Variants in RUFY3 observed in about 807,000 individuals in gnomAD.
The protein encoded by RUFY3 is RUN and FYVE domain containing 3.
RUFY3 carries 34 observed loss-of-function variants against 84.0 expected under a neutral mutation model. That is an observed-to-expected ratio of 0.40 (90% confidence interval 0.31 to 0.54). The LOEUF is 0.54. Among genes scored for constraint, RUFY3 ranks in the 20% least tolerant of loss-of-function variants. RUFY3 has a pLI of 0.39. For synonymous variants in RUFY3, 242 were observed against 252.9 expected (o/e 0.96, Z 0.41); for missense variants, 507 against 736.8 (o/e 0.69, Z 3.61).
intron 1 of RUFY3, among the ~76,000 whole-genome samples, chr4:70,751,840 A>G (rs1236789484): frequency 6.6e-6 from 1 of 152,164 alleles, no homozygotes; most frequent in Non-Finnish European, 1.5e-5. Flanking sequence ...TAAGAGTTTT[A>G]TAGTTTTAGC....
intron 4 of RUFY3, among the ~76,000 whole-genome samples, chr4:70,766,435 G>T (rs545966504): frequency 6.6e-6 from 1 of 151,980 alleles, no homozygotes; most frequent in South Asian, 2.1e-4. Flanking sequence ...AGTACAGACA[G>T]GGTTTCACCA....
chr4:70,756,349 A>G (rs1724020678), intron 1 of RUFY3, among the ~76,000 whole-genome samples: 1 of 152,206 alleles, frequency 6.6e-6, no homozygotes, highest in Admixed American at 6.5e-5. Context: ...GGATGCAAGA[A>G]TGGCTTCTCT....
intron 1 of RUFY3, among the ~76,000 whole-genome samples, chr4:70,709,401 CTT>C (rs1223864292): frequency 2.0e-5 from 3 of 152,190 alleles, no homozygotes; most frequent in African/African-American, 7.2e-5. Flanking sequence ...GAACTTTCCT[CTT>C]TGTGGACCTC....
intron 15 of RUFY3, among the ~76,000 whole-genome samples, chr4:70,801,470 T>C (rs1732226618): frequency 1.3e-5 from 2 of 152,212 alleles, no homozygotes. Context: ...GGGAAGTCTC[T>C]GTACTTTCTA....
At chr4:70,763,763 T>A (rs1725404224) in intron 3 of RUFY3, 94 bp downstream of exon 3, 28 of 1,451,230 alleles carry the variant, frequency 1.9e-5, no homozygotes, top group Non-Finnish European at 2.4e-5. Context: ...TACGAATAAT[T>A]TATTTTATAA....
At chr4:70,732,254 A>G (rs1719391889) in intron 1 of RUFY3, among the ~76,000 whole-genome samples, 2 of 152,186 alleles carry the variant, frequency 1.3e-5, no homozygotes, top group Admixed American at 6.5e-5. Context: ...TATTTAATTC[A>G]TGGGATTCCT....
In RUFY3 at chr4:70,788,942, C is replaced by T. The variant is rs755345599; in HGVS notation, c.1208C>T (p.Ala403Val). The change falls in exon 11 of 18, where the codon GCT becomes GTT. Residue 403 changes from alanine to valine, a missense_variant. Transcript: ENST00000381006. ...SLRQQLDDLR[A>V]LKHELAFKLQ... ...CGGCAGCAGCTGGATGACCTCAGAG[C>T]TCTCAAGCATGAACTTGCCTTTAAG... 1.9e-6 allele frequency: 3 copies of T among 1,614,134 alleles called. No individual in the cohort carries two copies. Among genetic ancestry groups the T allele is most frequent in the Non-Finnish European group, 2.5e-6 (3 of 1,180,010 alleles).
At chr4:70,771,793 G>A (rs1271037179) in intron 5 of RUFY3, among the ~76,000 whole-genome samples, 1 of 152,116 alleles carries the variant, frequency 6.6e-6, no homozygotes, top group Non-Finnish European at 1.5e-5. Context: ...GCCTCCCAAA[G>A]TGCTGGGATT....
Position 70,763,630 on chromosome 4 carries a change from C to T in RUFY3, c.431C>T (p.Ala144Val). Residue 144 changes from alanine (A) to valine (V), a missense_variant, in exon 3 of 18, where the codon GCA (alanine) becomes GTA (valine). By Grantham distance (64) the Ala-to-Val change is moderately conservative. Coordinates refer to ENST00000381006, the MANE Select transcript of RUFY3 (RefSeq NM_001037442.4). The part of the protein sequence containing the change: ...ELVEKLVPEA[A>V]EITASVKDLP... The stretch of plus-strand genomic sequence containing the variant: ...GTAGAAAAGCTTGTTCCAGAAGCCG[C>T]AGAGATAACAGCAAGTGTTAAAGAT... 4.3e-6 allele frequency: 7 copies of T among 1,611,810 alleles called. No individual in the cohort carries two copies. Among genetic ancestry groups the T allele is most frequent in the Non-Finnish European group, 5.9e-6 (7 of 1,178,378 alleles).
At chr4:70,707,418 G>T (rs987630958) in intron 1 of RUFY3, among the ~76,000 whole-genome samples, 1 of 152,046 alleles carries the variant, frequency 6.6e-6, no homozygotes, top group Non-Finnish European at 1.5e-5. Flanking sequence ...ACCATTTTTA[G>T]TATTTTTAGT....
intron 4 of RUFY3, among the ~76,000 whole-genome samples, chr4:70,766,124 C>T (rs1450716066): frequency 2.0e-5 from 3 of 152,084 alleles, no homozygotes; most frequent in East Asian, 1.9e-4. Context: ...TGATTGTTAA[C>T]AGTGATTGAG....
intron 1 of RUFY3, among the ~76,000 whole-genome samples, chr4:70,747,741 T>A (rs1176628704): frequency 6.6e-6 from 1 of 152,168 alleles, no homozygotes; most frequent in Non-Finnish European, 1.5e-5. Context: ...AAGCTGGGCA[T>A]GGTGGTTGCA....
At chr4:70,720,261 C>T (rs754686442), upstream of RUFY3, among the ~76,000 whole-genome samples, 2 of 152,144 alleles carry the variant, frequency 1.3e-5, no homozygotes, top group Non-Finnish European at 2.9e-5. Flanking sequence ...GTTGCCCAGG[C>T]TGGTTTCAAA....
rs1732050525 is a variant in RUFY3, at chr4:70,800,220, A to G, written c.1622+15A>G. ...GAAAGCCACAGGTGTTTGTTAATCA[A>G]GTATTAACTAAGATGTAAAGTTATT... is the stretch of plus-strand genomic sequence containing the variant. On this transcript the variant is annotated intron_variant, in intron 15 of 17. Transcript: ENST00000381006. 1 of 1,586,590 alleles carries G rather than the reference A, an allele frequency of 6.3e-7. No individual in the cohort carries two copies. Among genetic ancestry groups the G allele is most frequent in the African/African-American group, 1.4e-5 (1 of 73,538 alleles).
At chr4:70,707,705 A>T (rs1233170422) in intron 1 of RUFY3, among the ~76,000 whole-genome samples, 1 of 143,442 alleles carries the variant, frequency 7.0e-6, no homozygotes, top group Admixed American at 6.7e-5. Flanking sequence ...AACATTTCAT[A>T]TTAGCAAAAA....
chr4:70,795,819 T>C (rs1268605730), intron 14 of RUFY3, among the ~76,000 whole-genome samples: 1 of 152,176 alleles, frequency 6.6e-6, no homozygotes, highest in African/African-American at 2.4e-5. Flanking sequence ...ACTTTAATGA[T>C]GTTTTAAGAT....
intron 7 of RUFY3, 106 bp from the exon 8 acceptor site, chr4:70,778,263 T>A: frequency 2.2e-6 from 1 of 452,738 alleles, no homozygotes; most frequent in Non-Finnish European, 4.0e-6. Context: ...AAATAAAAAA[T>A]TATGAACATT....
At chr4:70,734,594 G>GT in intron 1 of RUFY3, 4 of 983,818 alleles carry the variant, frequency 4.1e-6, no homozygotes, top group Non-Finnish European at 4.8e-6. Context: ...CCCTTTCAAG[G>GT]TAAGTTTTAC....
intron 1 of RUFY3, among the ~76,000 whole-genome samples, chr4:70,706,172 G>A (rs1257350992): frequency 6.6e-6 from 1 of 152,164 alleles, no homozygotes. Context: ...AGCTCTTACA[G>A]TATGAAAATG....
Sources: allele counts gnomAD v4.1 joint callset (sites outside exome capture counted in the v4.1 genomes callset), GRCh38; gene constraint gnomAD v4.1.1; transcripts MANE v1.5; gene names NCBI Gene and HGNC (gene_info 2026-07-23, HGNC 2026-07-21).